AKAP13: variants seen among roughly 807,000 people sequenced by gnomAD.
The protein encoded by AKAP13 is A-kinase anchor protein 13.
AKAP13 carries 80 observed loss-of-function variants against 264.5 expected under a neutral mutation model. The observed-to-expected ratio is 0.30, with a 90% CI of 0.25 to 0.36. The LOEUF (loss-of-function observed/expected upper bound fraction) is 0.36. Among genes scored for constraint, AKAP13 ranks in the 10% least tolerant of loss-of-function variants. AKAP13 has a pLI of 1.00. For missense variants in AKAP13, 3,712 were observed against 3,435.2 expected, an observed-to-expected ratio of 1.08 and a Z score of -2.01; for synonymous variants, 1,380 against 1,250.2, an observed-to-expected ratio of 1.10 and a Z score of -2.19.
chr15:85,538,363 A>T (rs1456186758), intron 4 of AKAP13, among the ~76,000 whole-genome samples: 2 of 152,174 alleles, frequency 1.3e-5, no homozygotes, highest in Non-Finnish European at 2.9e-5. Flanking sequence ...GTTTAGGAAA[A>T]ACTGCAGTAA....
chr15:85,489,447 G>A (rs76666872), intron 2 of AKAP13, among the ~76,000 whole-genome samples: 38 of 152,290 alleles, frequency 2.5e-4, no homozygotes, highest in African/African-American at 6.0e-4. Flanking sequence ...GATTCTCAGT[G>A]AACTGAGTCA....
intron 8 of AKAP13, among the ~76,000 whole-genome samples, chr15:85,587,793 C>G (rs1463738037): frequency 6.6e-6 from 1 of 152,056 alleles, no homozygotes; most frequent in Non-Finnish European, 1.5e-5. Context: ...ATTACAGGGA[C>G]TCGTCACCAC....
chr15:85,717,972 A>G (rs576635132), intron 21 of AKAP13, 35 bp from the exon 22 acceptor site: 14 of 1,605,156 alleles, frequency 8.7e-6, no homozygotes, highest in Non-Finnish European at 1.1e-5. Flanking sequence ...CAGGTCACAA[A>G]CCTGATTCTG....
intron 19 of AKAP13, among the ~76,000 whole-genome samples, chr15:85,714,641 G>A (rs1033733738): frequency 6.6e-6 from 1 of 152,220 alleles, no homozygotes; most frequent in Non-Finnish European, 1.5e-5. Flanking sequence ...GCTGCTCCCA[G>A]TTATCTCTCA....
rs1567216504 is a variant in AKAP13 at position 85,727,140 on chromosome 15, C to T, written c.6897C>T (p.Phe2299=). ...TGGCACATGAGGAGAAAGGTTTATT[C>T]CTGATCAGCATGGGGATGACAGATC... ...REVAHEEKGL[F]LISMGMTDPE... is the part of the protein sequence containing the mutation. Residue 2299 remains phenylalanine, a synonymous_variant, in exon 28 of 37, where the codon TTC becomes TTT. Coordinates refer to ENST00000394518, the MANE Select transcript of AKAP13 (RefSeq NM_007200.5). The surrounding 1 kb of genome is among the most constrained non-coding windows in gnomAD (Gnocchi z 5.3). 6.2e-7 allele frequency: 1 copy of T among 1,614,198 alleles called. No individual in the cohort carries two copies. Among genetic ancestry groups the T allele is most frequent in the Non-Finnish European group, 8.5e-7 (1 of 1,180,030 alleles).
At chr15:85,645,749 G>A in intron 9 of AKAP13, 69 bp from the exon 10 acceptor site, 3 of 1,480,722 alleles carry the variant, frequency 2.0e-6, no homozygotes, top group Non-Finnish European at 2.7e-6. Context: ...AAAAGGAAGT[G>A]GTTCTTTTTG....
intron 8 of AKAP13, among the ~76,000 whole-genome samples, chr15:85,634,561 A>T (rs1323373603): frequency 1.3e-5 from 2 of 152,198 alleles, no homozygotes; most frequent in Admixed American, 1.3e-4. Flanking sequence ...TTGAGAATGT[A>T]TTTGTTTTCA....
At chr15:85,612,336 C>T (rs2080675186) in intron 8 of AKAP13, among the ~76,000 whole-genome samples, 1 of 152,050 alleles carries the variant, frequency 6.6e-6, no homozygotes, top group Admixed American at 6.6e-5. Flanking sequence ...TTTAGTAAAC[C>T]TGTTTAAAAA....
At chr15:85,433,938 C>A (rs565872534) in intron 1 of AKAP13, among the ~76,000 whole-genome samples, 1 of 92,032 alleles carries the variant, frequency 1.1e-5, no homozygotes, top group Non-Finnish European at 2.2e-5. Flanking sequence ...GAGACTCTGT[C>A]TCAAAAAATA....
chr15:85,441,243 A>T (rs1042953182), intron 1 of AKAP13, among the ~76,000 whole-genome samples: 1 of 151,764 alleles, frequency 6.6e-6, no homozygotes, highest in Admixed American at 6.6e-5. Flanking sequence ...TGTATTGATA[A>T]TGACCAATAA....
At chr15:85,601,608 T>TTTTGTGTGTGTGTGTG (rs369305957) in intron 8 of AKAP13, among the ~76,000 whole-genome samples, 1 of 131,990 alleles carries the variant, frequency 7.6e-6, no homozygotes, top group African/African-American at 2.9e-5. Context: ...CCTGAATTCT[T>TTTTGTGTGTGTGTGTG]TGTGTGTGTG....
At chr15:85,731,320 T>TA (rs1323323183) in intron 30 of AKAP13, among the ~76,000 whole-genome samples, 3 of 152,224 alleles carry the variant, frequency 2.0e-5, no homozygotes, top group Non-Finnish European at 4.4e-5. Flanking sequence ...ATCACTTACT[T>TA]ATATATCTTT....
At chr15:85,425,900 G>A (rs1295156661) in intron 1 of AKAP13, among the ~76,000 whole-genome samples, 1 of 150,852 alleles carries the variant, frequency 6.6e-6, no homozygotes, top group Non-Finnish European at 1.5e-5. Flanking sequence ...AAACAAGATC[G>A]GTTTAAAAAA....
intron 2 of AKAP13, among the ~76,000 whole-genome samples, chr15:85,511,344 T>C (rs931944447): frequency 3.3e-5 from 5 of 152,208 alleles, no homozygotes; most frequent in African/African-American, 1.2e-4. Flanking sequence ...GTCAAGGTTT[T>C]AGTTCTTAAC....
chr15:85,637,925 G>A lies in AKAP13; in HGVS notation c.4162-1449G>A, dbSNP rs376560916. On this transcript the variant is annotated intron_variant, in intron 8 of 36. Transcript: ENST00000394518. ...TTTTTAATCTCTGTCACCCAGGCTG[G>A]AGTGCAGTGGCGCGATCTTCACTCA... Among the ~76,000 whole-genome samples, 39 of 147,050 alleles carry A rather than the reference G, an allele frequency of 2.7e-4. No homozygotes were observed. The East Asian group carries it at 7.6e-3, about 28-fold the overall frequency.
intron 15 of AKAP13, chr15:85,684,429 G>A (rs764816113): frequency 4.6e-5 from 9 of 194,658 alleles, no homozygotes; most frequent in Middle Eastern, 2.0e-3. Context: ...CAGGCGTGGT[G>A]GCATGTGCCT....
intron 5 of AKAP13, among the ~76,000 whole-genome samples, chr15:85,547,916 C>T (rs966649967): frequency 6.6e-6 from 1 of 152,080 alleles, no homozygotes; most frequent in South Asian, 2.1e-4. Flanking sequence ...TTTGAAGACC[C>T]CACCCATGGT....
intron 2 of AKAP13, among the ~76,000 whole-genome samples, chr15:85,508,142 A>AT (rs79249227): frequency 0.042 from 5,862 of 137,946 alleles, 281 homozygotes; most frequent in African/African-American, 0.11. Flanking sequence ...ACTTTGTGTA[A>AT]TTTTTTTTTT....
intron 8 of AKAP13, among the ~76,000 whole-genome samples, chr15:85,612,783 C>T (rs994761573): frequency 2.7e-5 from 4 of 149,034 alleles, no homozygotes; most frequent in Non-Finnish European, 5.9e-5. Context: ...AAGATTGTAC[C>T]ACTGCACTCC....
Sources: gnomAD v4.1 joint callset for allele counts (sites outside exome capture counted in the v4.1 genomes callset) on GRCh38, gnomAD v4.1.1 for gene constraint, Gnocchi (gnomAD v3.1) non-coding constraint, MANE v1.5 for transcripts, NCBI Gene and HGNC (gene_info 2026-07-23, HGNC 2026-07-21) for gene names.